The following PDSS2 variants were observed in gnomAD, a reference collection of about 807,000 sequenced individuals.
The protein encoded by PDSS2 is all trans-polyprenyl-diphosphate synthase PDSS2.
Under a neutral mutation model 44.5 loss-of-function variants are expected in PDSS2, and 31 were observed. The observed-to-expected ratio is 0.70, with a 90% CI of 0.52 to 0.94. PDSS2 has a LOEUF of 0.94. PDSS2 is among the 40% of genes least tolerant of loss of function. The probability of loss-of-function intolerance (pLI) is 0.00; values close to 1 mark genes in which losing one functional copy is unlikely to be tolerated. For missense variants in PDSS2, 452 were observed against 482.2 expected (o/e 0.94, Z 0.59); for synonymous variants, 157 against 180.3 (o/e 0.87, Z 1.03).
chr6:107,250,920 A>G (rs918336451), intron 3 of PDSS2, among the ~76,000 whole-genome samples: 15 of 152,112 alleles, frequency 9.9e-5, no homozygotes, highest in Non-Finnish European at 1.6e-4. Flanking sequence ...CAGTGGCACA[A>G]TCTCAGCTCA....
chr6:107,227,278 C>CTTTTTTTTTTTTTTTTTTTTTTTTT lies in PDSS2; in HGVS notation c.703-15021_703-14997dup, dbSNP rs60988844. 1.9e-5 allele frequency among the ~76,000 whole-genome samples: 2 copies of CTTTTTTTTTTTTTTTTTTTTTTTTT among 102,812 alleles called. 1 individual carries two copies. 67.4% of individuals were successfully genotyped at this position (102,812 alleles called of 152,430 possible). A position where few individuals can be genotyped will look rare whatever the true frequency, so the allele number is the denominator to read the frequency against. ...GATTATAGGTGTAAGCCACTGTGCC[C>CTTTTTTTTTTTTTTTTTTTTTTTTT]TTTTTTTTTTTTTTTTTTTTTTTTT... On this transcript the variant is annotated intron_variant, in intron 4 of 7. Transcript: ENST00000369037.
intron 1 of PDSS2, among the ~76,000 whole-genome samples, chr6:107,457,472 AC>A (rs1426744981): frequency 6.6e-6 from 1 of 152,230 alleles, no homozygotes; most frequent in African/African-American, 2.4e-5. Flanking sequence ...GGCACTACTG[AC>A]ATTTTGCAGC....
intron 1 of PDSS2, among the ~76,000 whole-genome samples, chr6:107,352,576 G>A (rs1307249207): frequency 6.6e-6 from 1 of 152,174 alleles, no homozygotes; most frequent in Non-Finnish European, 1.5e-5. Context: ...AAGCTGGAGA[G>A]GGTAGTTGGT....
At chr6:107,180,481 A>G (rs1241058266) in intron 7 of PDSS2, among the ~76,000 whole-genome samples, 1 of 152,218 alleles carries the variant, frequency 6.6e-6, no homozygotes, top group Non-Finnish European at 1.5e-5. Context: ...TATGAATTAG[A>G]AGAACAGAGG....
intron 7 of PDSS2, among the ~76,000 whole-genome samples, chr6:107,163,971 C>T (rs782397127): frequency 1.3e-5 from 2 of 151,982 alleles, no homozygotes. Context: ...CTTGCCTGGC[C>T]GTAAGACTCA....
At chr6:107,426,783 G>A (rs1781019062) in intron 1 of PDSS2, among the ~76,000 whole-genome samples, 1 of 152,122 alleles carries the variant, frequency 6.6e-6, no homozygotes, top group Non-Finnish European at 1.5e-5. Context: ...TTTTGGACTT[G>A]CATGAGGCCT....
chr6:107,158,574 A>ATAT lies in PDSS2; in HGVS notation c.1042-3800_1042-3798dup, dbSNP rs1770998253. Among the ~76,000 whole-genome samples, 6 of 152,264 alleles carry ATAT rather than the reference A, an allele frequency of 3.9e-5. No homozygotes were observed. In the South Asian group the frequency reaches 1.2e-3, roughly 32 times the overall value. ...CACTTCACAGATATTTCCACACTGCATATAGCCTTTGGGAACTGTTCTAGC... is the reference window on the plus strand; with the variant it reads ...CACTTCACAGATATTTCCACACTGCATATTATAGCCTTTGGGAACTGTTCTAGC... On this transcript the variant is annotated intron_variant, in intron 7 of 7. Transcript: ENST00000369037.
At chr6:107,395,848 A>T (rs1014829973) in intron 1 of PDSS2, among the ~76,000 whole-genome samples, 4 of 152,028 alleles carry the variant, frequency 2.6e-5, no homozygotes, top group African/African-American at 9.7e-5. Flanking sequence ...TATGTTGCTG[A>T]GTGTTAGATT....
At chr6:107,458,809 CA>C (rs1782141702) in intron 1 of PDSS2, among the ~76,000 whole-genome samples, 180 bp downstream of exon 1, 1 of 151,974 alleles carries the variant, frequency 6.6e-6, no homozygotes, top group African/African-American at 2.4e-5. Context: ...CTCAGCTGAG[CA>C]AGAACGTTAA....
intron 1 of PDSS2, among the ~76,000 whole-genome samples, chr6:107,452,683 T>C (rs1161780881): frequency 6.6e-6 from 1 of 151,962 alleles, no homozygotes; most frequent in Non-Finnish European, 1.5e-5. Context: ...TTTTTTTTTC[T>C]TGAGACAGAG....
At chr6:107,242,950 G>A (rs540199874) in intron 4 of PDSS2, among the ~76,000 whole-genome samples, 1 of 152,278 alleles carries the variant, frequency 6.6e-6, no homozygotes, top group South Asian at 2.1e-4. Flanking sequence ...ATGAAGCAGT[G>A]CTATAAAGTC....
At chr6:107,205,156 T>G (rs1772928716) in intron 6 of PDSS2, among the ~76,000 whole-genome samples, 1 of 152,234 alleles carries the variant, frequency 6.6e-6, no homozygotes, top group Admixed American at 6.5e-5. Context: ...CTAGCAGTCT[T>G]TGTTTTACTT....
intron 1 of PDSS2, among the ~76,000 whole-genome samples, chr6:107,427,998 G>A (rs1026576072): frequency 3.3e-5 from 5 of 152,152 alleles, no homozygotes; most frequent in South Asian, 2.1e-4. Context: ...CAGAGGTTGT[G>A]CACCAGCTGA....
intron 3 of PDSS2, among the ~76,000 whole-genome samples, chr6:107,256,097 T>A (rs906349181): frequency 1.3e-5 from 2 of 152,074 alleles, no homozygotes; most frequent in African/African-American, 4.8e-5. Flanking sequence ...TTCAAGCAAT[T>A]CTCCTGTTTC....
At chr6:107,303,115 G>A (rs1258074958) in intron 2 of PDSS2, among the ~76,000 whole-genome samples, 3 of 152,184 alleles carry the variant, frequency 2.0e-5, no homozygotes, top group Admixed American at 2.0e-4. Flanking sequence ...GGCATATGGT[G>A]AGGACCTTTG....
intron 7 of PDSS2, among the ~76,000 whole-genome samples, chr6:107,162,648 C>T (rs1771189293): frequency 7.8e-6 from 1 of 127,916 alleles, no homozygotes; most frequent in African/African-American, 3.2e-5. Context: ...CACTCTGCCA[C>T]TCAGGCTAGA....
At chr6:107,227,998 A>G (rs1414947416) in intron 4 of PDSS2, among the ~76,000 whole-genome samples, 4 of 152,198 alleles carry the variant, frequency 2.6e-5, no homozygotes, top group Admixed American at 2.6e-4. Flanking sequence ...CATTTTCTGA[A>G]TGGCTTACTC....
intron 7 of PDSS2, among the ~76,000 whole-genome samples, chr6:107,193,572 A>G (rs1474106868): frequency 2.0e-5 from 3 of 152,198 alleles, no homozygotes; most frequent in Non-Finnish European, 4.4e-5. Flanking sequence ...TTCTGAAAGG[A>G]AAGACTTCAT....
chr6:107,173,122 CA>C (rs34305757), intron 7 of PDSS2, among the ~76,000 whole-genome samples: 46,217 of 122,482 alleles, frequency 0.38, 7,296 homozygotes, highest in African/African-American at 0.4. Flanking sequence ...GACTCTGTCT[CA>C]AAAAAAAAAA....
Sources: allele counts gnomAD v4.1 joint callset (sites outside exome capture counted in the v4.1 genomes callset), GRCh38; gene constraint gnomAD v4.1.1; transcripts MANE v1.5; gene names NCBI Gene and HGNC (gene_info 2026-07-23, HGNC 2026-07-21).